Variants in C10orf90 observed in about 807,000 individuals in gnomAD.
C10orf90 encodes chromosome 10 open reading frame 90.
C10orf90 carries 56 observed loss-of-function variants against 62.5 expected under a neutral mutation model. That is an observed-to-expected ratio of 0.90 (90% CI 0.72 to 1.12). The LOEUF is 1.12. Ranked by LOEUF, C10orf90 falls within the 50% of genes most tolerant of loss-of-function variation. The pLI, the probability that C10orf90 is intolerant of heterozygous loss-of-function variation, is 0.00. For missense variants in C10orf90, 970 were observed against 880.4 expected, an observed-to-expected ratio of 1.10 and a Z score of -1.29; for synonymous variants, 386 against 340.4, an observed-to-expected ratio of 1.13 and a Z score of -1.47.
chr10:126,504,905 C>T lies in C10orf90; in HGVS notation c.586G>A (p.Ala196Thr), dbSNP rs1200860419. The stretch of plus-strand genomic sequence containing the variant: ...AATCTGCCCGGAAGTAACGCAAATG[C>T]TCTGTGAATGTTGACTCCGCTGCGG... ...ANRSGVNIHR[A>T]FALLPGRLGI... The change falls in exon 4 of 10, where the codon GCA (alanine) becomes ACA (threonine). Residue 196 changes from alanine to threonine, a missense_variant. Transcript: ENST00000488181. This position sits in a 1 kb window ranked among gnomAD's most constrained non-coding sequence, Gnocchi z 4.1. The T allele has an allele frequency of 8.1e-6, 13 of 1,614,216 alleles. No homozygotes were observed. The highest frequency in any genetic ancestry group is 1.1e-5 in the Non-Finnish European group (13 of 1,180,034).
intron 7 of C10orf90, among the ~76,000 whole-genome samples, chr10:126,450,649 A>C (rs1859119162): frequency 6.6e-6 from 1 of 152,214 alleles, no homozygotes; most frequent in African/African-American, 2.4e-5. Flanking sequence ...CATGCAGAAG[A>C]ATGAAATTAG....
At chr10:126,465,191 T>C (rs2133743677) in intron 4 of C10orf90, among the ~76,000 whole-genome samples, 1 of 152,256 alleles carries the variant, frequency 6.6e-6, no homozygotes, top group Middle Eastern at 3.4e-3. Flanking sequence ...TAGGAGCTCA[T>C]ATTACATTAT....
chr10:126,648,253 C>A (rs920806949), intron 1 of C10orf90, among the ~76,000 whole-genome samples: 1 of 152,074 alleles, frequency 6.6e-6, no homozygotes, highest in Admixed American at 6.5e-5. Context: ...TCCATTTTCT[C>A]CTGGGTTACC....
intron 4 of C10orf90, among the ~76,000 whole-genome samples, chr10:126,478,406 A>T (rs1564820595): frequency 1.3e-5 from 2 of 152,204 alleles, no homozygotes. Flanking sequence ...CAGTGCACAA[A>T]CATGAGCCTT....
chr10:126,601,439 T>C (rs897110564), intron 2 of C10orf90, among the ~76,000 whole-genome samples: 4 of 152,244 alleles, frequency 2.6e-5, no homozygotes, highest in Non-Finnish European at 5.9e-5. Flanking sequence ...GACATCATGT[T>C]ATAAATCTCA....
In C10orf90 at chr10:126,453,783, G is replaced by C. The variant is rs1859354911; in HGVS notation, c.2188+5257C>G. ...CTGGGGGTAAGAGATGAATAAAAAG[G>C]CTGGACTTGAGAGGGGCTTGCAAGG... On this transcript the variant is annotated intron_variant, in intron 7 of 9. Transcript: ENST00000488181. This position sits in a 1 kb window ranked among gnomAD's most constrained non-coding sequence, Gnocchi z 4.9. 6.6e-6 allele frequency among the ~76,000 whole-genome samples: 1 copy of C among 152,214 alleles called. No individual in the cohort carries two copies. The highest frequency in any genetic ancestry group is 1.5e-5 in the Non-Finnish European group (1 of 68,036).
intron 2 of C10orf90, among the ~76,000 whole-genome samples, chr10:126,560,573 T>C (rs964214698): frequency 2.6e-5 from 4 of 152,126 alleles, no homozygotes; most frequent in South Asian, 4.2e-4. Context: ...TCATCGAAAA[T>C]GTAACCCTAC....
chr10:126,561,863 G>C (rs1864909154), intron 2 of C10orf90, among the ~76,000 whole-genome samples: 2 of 152,216 alleles, frequency 1.3e-5, no homozygotes, highest in Admixed American at 1.3e-4. Flanking sequence ...GAAGAGAGGA[G>C]AGGTGTAAAT....
chr10:126,623,595 A>T (rs1192288205), intron 2 of C10orf90, among the ~76,000 whole-genome samples: 2 of 152,076 alleles, frequency 1.3e-5, no homozygotes, highest in African/African-American at 4.8e-5. Flanking sequence ...TAATCCCAGC[A>T]CTTTGGGAGG....
At position 126,502,258 on chromosome 10, in the gene C10orf90, G is replaced by A. The variant is rs571876184; in HGVS notation, c.1534+1699C>T. On this transcript the variant is annotated intron_variant, in intron 4 of 9. Transcript: ENST00000488181. ...TTGTACTCCCAAAGCTACTGAAATT[G>A]TAAAAAAGGTATTCAAGACTCCCCT... Among the ~76,000 whole-genome samples the A allele has an allele frequency of 3.3e-5, 5 of 152,300 alleles. No homozygotes were observed. The East Asian group carries it at 9.6e-4, about 29-fold the overall frequency.
rs1311559101 is a variant in C10orf90, at chr10:126,532,835, T to G, written c.314-18896A>C. Among the ~76,000 whole-genome samples the G allele has an allele frequency of 2.4e-3, 7 of 2,920 alleles. No individual in the cohort carries two copies. The African/African-American group carries it at 0.044, about 18-fold the overall frequency. 1.9% of individuals were successfully genotyped at this position (2,920 alleles called of 152,430 possible). On this transcript the variant is annotated intron_variant, in intron 2 of 9. Transcript: ENST00000488181. Reference sequence around the variant, plus strand: ...TCCAGTCTGGGCAACAGAGCGAGACTACGTCTCAAAAAAAAAAAAAAATAG... The same window carrying G: ...TCCAGTCTGGGCAACAGAGCGAGACGACGTCTCAAAAAAAAAAAAAAATAG...
chr10:126,617,316 C>A (rs1845560697), intron 2 of C10orf90, among the ~76,000 whole-genome samples: 1 of 152,108 alleles, frequency 6.6e-6, no homozygotes, highest in South Asian at 2.1e-4. Flanking sequence ...CCCAGGAGGC[C>A]AATGAAAAGA....
chr10:126,442,478 C>CATATATATATATATATATAT (rs55780866), intron 7 of C10orf90, among the ~76,000 whole-genome samples: 1,556 of 33,582 alleles, frequency 0.046, 225 homozygotes, highest in African/African-American at 0.052. Context: ...TTCAATATTT[C>CATATATATATATATATATAT]ATATATATAT....
intron 2 of C10orf90, among the ~76,000 whole-genome samples, chr10:126,586,908 G>A (rs1844884029): frequency 6.6e-6 from 1 of 152,194 alleles, no homozygotes; most frequent in South Asian, 2.1e-4. Flanking sequence ...CCGAGATGAT[G>A]GGGCTCTCAG....
At chr10:126,650,468 G>A (rs1040814864) in intron 1 of C10orf90, among the ~76,000 whole-genome samples, 1 of 152,112 alleles carries the variant, frequency 6.6e-6, no homozygotes, top group Admixed American at 6.5e-5. Flanking sequence ...TCACAGAGGC[G>A]TGATCATTAT....
chr10:126,583,349 T>C (rs898213762), intron 2 of C10orf90, among the ~76,000 whole-genome samples: 3 of 152,356 alleles, frequency 2.0e-5, no homozygotes, highest in Non-Finnish European at 4.4e-5. Context: ...AATTCTCATA[T>C]GAAGAACTAA....
At chr10:126,668,092 G>T (rs1846669910) in intron 1 of C10orf90, among the ~76,000 whole-genome samples, 1 of 152,082 alleles carries the variant, frequency 6.6e-6, no homozygotes, top group Admixed American at 6.5e-5. Flanking sequence ...AGACAGCTCA[G>T]GACTAAGACC....
intron 2 of C10orf90, among the ~76,000 whole-genome samples, chr10:126,633,603 G>C (rs1386457767): frequency 6.6e-6 from 1 of 152,206 alleles, no homozygotes; most frequent in Non-Finnish European, 1.5e-5. Flanking sequence ...GAGACCAACT[G>C]TGCATGTTAC....
At chr10:126,429,380 C>G (rs950369089) in intron 8 of C10orf90, among the ~76,000 whole-genome samples, 1 of 152,200 alleles carries the variant, frequency 6.6e-6, no homozygotes, top group Non-Finnish European at 1.5e-5. Flanking sequence ...GGATCCTTTC[C>G]TTCAGTCCCT....
Sources: gnomAD v4.1 joint callset for allele counts (sites outside exome capture counted in the v4.1 genomes callset) on GRCh38, gnomAD v4.1.1 for gene constraint, Gnocchi (gnomAD v3.1) non-coding constraint, MANE v1.5 for transcripts, NCBI Gene and HGNC (gene_info 2026-07-23, HGNC 2026-07-21) for gene names.